The following PHLDB2 variants were observed in gnomAD, a reference collection of about 807,000 sequenced individuals.
The protein encoded by PHLDB2 is pleckstrin homology-like domain family B member 2.
A neutral mutation model predicts 123.6 loss-of-function variants in PHLDB2; 71 were observed. The ratio of observed to expected loss-of-function variants is 0.57; its 90% confidence interval spans 0.47 to 0.70. The LOEUF is 0.70. PHLDB2 is among the 30% of genes least tolerant of loss of function. The probability of loss-of-function intolerance (pLI) is 0.00; values close to 1 mark genes in which losing one functional copy is unlikely to be tolerated. For synonymous variants in PHLDB2, 547 were observed against 541.6 expected, an observed-to-expected ratio of 1.01 and a Z score of -0.14; for missense variants, 1,446 against 1,519.5, an observed-to-expected ratio of 0.95 and a Z score of 0.80.
chr3:111,875,996 G>A (rs975695747), intron 1 of PHLDB2, among the ~76,000 whole-genome samples: 3 of 151,922 alleles, frequency 2.0e-5, no homozygotes, highest in Non-Finnish European at 4.4e-5. Flanking sequence ...TTAAGTCACT[G>A]GTAAAACTGC....
At chr3:111,738,261 T>C (rs749462325) in intron 1 of PHLDB2, among the ~76,000 whole-genome samples, 28 of 152,178 alleles carry the variant, frequency 1.8e-4, no homozygotes, top group Non-Finnish European at 3.7e-4. Context: ...TGTTATAGAA[T>C]ACAGTTGTGT....
intron 1 of PHLDB2, among the ~76,000 whole-genome samples, chr3:111,739,997 C>G (rs1367654734): frequency 6.6e-6 from 1 of 152,050 alleles, no homozygotes; most frequent in Non-Finnish European, 1.5e-5. Context: ...TCTGTTTGCT[C>G]TCCTTCTCCA....
intron 1 of PHLDB2, among the ~76,000 whole-genome samples, chr3:111,881,732 G>C (rs945760365): frequency 6.7e-5 from 10 of 149,678 alleles, no homozygotes; most frequent in African/African-American, 2.5e-4. Flanking sequence ...AAATAGACTA[G>C]TAGCCACAAA....
At chr3:111,845,859 G>C (rs369583710) in exon 2 of PHLDB2, 10 of 1,614,204 alleles carry the variant, frequency 6.2e-6, no homozygotes, top group Non-Finnish European at 8.5e-6. Context: ...AGATTCAGCA[G>C]AAGATCCTGA....
At chr3:111,738,274 A>G (rs2059544030) in intron 1 of PHLDB2, among the ~76,000 whole-genome samples, 1 of 152,164 alleles carries the variant, frequency 6.6e-6, no homozygotes, top group Non-Finnish European at 1.5e-5. Context: ...AGTTGTGTTG[A>G]TAAATTATAG....
At chr3:111,803,824 T>TTACAAATATTTCTTA (rs1353354243) in intron 1 of PHLDB2, among the ~76,000 whole-genome samples, 2 of 152,358 alleles carry the variant, frequency 1.3e-5, no homozygotes, top group Non-Finnish European at 1.5e-5. Context: ...AATTTCCAAT[T>TTACAAATATTTCTTA]TACAAATATT....
chr3:111,875,449 A>G (rs1197915017), intron 1 of PHLDB2, among the ~76,000 whole-genome samples: 1 of 151,858 alleles, frequency 6.6e-6, no homozygotes, highest in Non-Finnish European at 1.5e-5. Context: ...CACGCCTGGC[A>G]AAGGAGTTCT....
intron 1 of PHLDB2, among the ~76,000 whole-genome samples, chr3:111,866,014 A>ATTTTTTTTTTTTTT (rs61038523): frequency 0.012 from 697 of 57,388 alleles, 151 homozygotes; most frequent in Non-Finnish European, 0.013. Context: ...CCACCCACTC[A>ATTTTTTTTTTTTTT]TTTTTTTTTT....
chr3:111,881,436 A>G (rs1576985575), intron 1 of PHLDB2, among the ~76,000 whole-genome samples: 1 of 152,182 alleles, frequency 6.6e-6, no homozygotes, highest in African/African-American at 2.4e-5. Flanking sequence ...TTATTACTGC[A>G]ATATTAAATT....
At chr3:111,757,044 G>A (rs1203158713) in intron 1 of PHLDB2, among the ~76,000 whole-genome samples, 13 of 152,146 alleles carry the variant, frequency 8.5e-5, no homozygotes, top group Non-Finnish European at 1.5e-5. Flanking sequence ...GCTTCCCTTT[G>A]TGGGTAACCT....
At chr3:111,838,047 T>TAATAAC (rs2063497482) in intron 1 of PHLDB2, among the ~76,000 whole-genome samples, 2 of 151,026 alleles carry the variant, frequency 1.3e-5, no homozygotes, top group Admixed American at 1.3e-4. Context: ...GTCTCAAAAA[T>TAATAAC]AACAACAACA....
chr3:111,865,465 C>T (rs1437309981), intron 1 of PHLDB2, among the ~76,000 whole-genome samples: 2 of 152,134 alleles, frequency 1.3e-5, no homozygotes, highest in African/African-American at 4.8e-5. Flanking sequence ...CCATTTCCTG[C>T]ATTATGTAAT....
chr3:111,887,403 T>G (rs2066237251), intron 2 of PHLDB2, among the ~76,000 whole-genome samples: 2 of 152,228 alleles, frequency 1.3e-5, no homozygotes, highest in Admixed American at 1.3e-4. Flanking sequence ...TTTGTTTGAC[T>G]ACATTGTGGT....
intron 9 of PHLDB2, 110 bp from the exon 10 acceptor site, chr3:111,948,822 T>C (rs1342046969): frequency 8.5e-6 from 8 of 939,374 alleles, no homozygotes; most frequent in East Asian, 2.5e-5. Context: ...ATACCACAGA[T>C]ATCTGGCTGT....
At chr3:111,834,053 ATAATATATG>A (rs1158626961) in intron 1 of PHLDB2, among the ~76,000 whole-genome samples, 1 of 113,578 alleles carries the variant, frequency 8.8e-6, no homozygotes, top group Non-Finnish European at 1.6e-5. Context: ...AGAATTATAT[ATAATATATG>A]TAATAGAATT....
chr3:111,899,195 T>C (rs1348274504), intron 2 of PHLDB2, among the ~76,000 whole-genome samples: 2 of 152,214 alleles, frequency 1.3e-5, no homozygotes, highest in African/African-American at 4.8e-5. Flanking sequence ...ACAACCTTTA[T>C]TTTCCTTGTG....
intron 8 of PHLDB2, among the ~76,000 whole-genome samples, chr3:111,943,921 G>A (rs919333218): frequency 1.1e-4 from 16 of 152,034 alleles, no homozygotes; most frequent in African/African-American, 3.6e-4. Flanking sequence ...ACTTCTTCAA[G>A]ACTGTTTAAA....
At chr3:111,955,560 C>T (rs569944025) in intron 12 of PHLDB2, among the ~76,000 whole-genome samples, 2 of 152,082 alleles carry the variant, frequency 1.3e-5, no homozygotes, top group Non-Finnish European at 2.9e-5. Flanking sequence ...AAGTGATCCT[C>T]CCACCTCAGC....
At chr3:111,788,679 G>A (rs962366165) in intron 1 of PHLDB2, among the ~76,000 whole-genome samples, 8 of 152,174 alleles carry the variant, frequency 5.3e-5, no homozygotes, top group Non-Finnish European at 1.0e-4. Context: ...GCCTCATGAG[G>A]CCCAGGACAG....
Sources: allele counts gnomAD v4.1 joint callset (sites outside exome capture counted in the v4.1 genomes callset), GRCh38; gene constraint gnomAD v4.1.1; transcripts MANE v1.5; gene names NCBI Gene and HGNC (gene_info 2026-07-23, HGNC 2026-07-21).